ATRNL1: variants seen among roughly 807,000 people sequenced by gnomAD.
ATRNL1 encodes the protein attractin like 1.
ATRNL1 carries 95 observed loss-of-function variants against 182.7 expected under a neutral mutation model. The observed-to-expected ratio is 0.52, with a 90% CI of 0.44 to 0.62. The LOEUF (loss-of-function observed/expected upper bound fraction) is 0.62, where lower values mean the gene tolerates loss of function less well. Ranked by LOEUF, ATRNL1 falls within the 20% of genes least tolerant of loss-of-function variation. The pLI is 0.00. For synonymous variants in ATRNL1, 576 were observed against 568.3 expected (o/e 1.01, Z -0.19); for missense variants, 1,471 against 1,679.5 (o/e 0.88, Z 2.17).
At chr10:115,561,855 A>G (rs1364295818) in intron 26 of ATRNL1, among the ~76,000 whole-genome samples, 1 of 152,204 alleles carries the variant, frequency 6.6e-6, no homozygotes, top group Non-Finnish European at 1.5e-5. Flanking sequence ...ATTATTCACC[A>G]ATAATCATCA....
chr10:115,393,615 G>A (rs1844142443), intron 19 of ATRNL1, among the ~76,000 whole-genome samples: 1 of 152,096 alleles, frequency 6.6e-6, no homozygotes, highest in Admixed American at 6.6e-5. Context: ...TGTTTAGAAT[G>A]TGTTATTGGA....
chr10:115,848,846 T>G (rs1555099751), intron 28 of ATRNL1, among the ~76,000 whole-genome samples: 1 of 152,206 alleles, frequency 6.6e-6, no homozygotes, highest in East Asian at 1.9e-4. Flanking sequence ...ATTTCAAATC[T>G]GTTTTTCTCT....
chr10:115,810,191 A>G (rs1675718170), intron 27 of ATRNL1, among the ~76,000 whole-genome samples: 1 of 151,930 alleles, frequency 6.6e-6, no homozygotes, highest in African/African-American at 2.4e-5. Flanking sequence ...CAATTTGCCA[A>G]TTTGTAAAAG....
intron 8 of ATRNL1, among the ~76,000 whole-genome samples, chr10:115,194,409 CT>C (rs1224568123): frequency 6.6e-6 from 1 of 151,978 alleles, no homozygotes; most frequent in Non-Finnish European, 1.5e-5. Flanking sequence ...GTTCTATCAT[CT>C]TGCTGAAGAG....
chr10:115,245,499 CAAAAAAA>C (rs35541977), intron 10 of ATRNL1, among the ~76,000 whole-genome samples: 2 of 72,904 alleles, frequency 2.7e-5, no homozygotes, highest in East Asian at 3.6e-4. Context: ...CACTCCGTCT[CAAAAAAA>C]AAAAAAAAAA....
At chr10:115,512,901 C>T (rs944881038) in intron 24 of ATRNL1, among the ~76,000 whole-genome samples, 11 of 151,892 alleles carry the variant, frequency 7.2e-5, no homozygotes, top group Admixed American at 6.6e-5. Context: ...AAGAATGATT[C>T]TCCTTTGTGC....
chr10:115,360,281 T>G (rs1856679959), intron 19 of ATRNL1, among the ~76,000 whole-genome samples: 1 of 151,716 alleles, frequency 6.6e-6, no homozygotes, highest in Non-Finnish European at 1.5e-5. Flanking sequence ...TATTTCTAAG[T>G]GTAGAAATGT....
chr10:115,108,610 T>G (rs1186972494), intron 1 of ATRNL1, among the ~76,000 whole-genome samples: 7 of 152,200 alleles, frequency 4.6e-5, no homozygotes, highest in Non-Finnish European at 8.8e-5. Flanking sequence ...ATTTCCCAGT[T>G]GATCAGCATC....
chr10:115,536,927 G>A (rs1852060871), intron 25 of ATRNL1, among the ~76,000 whole-genome samples: 1 of 152,098 alleles, frequency 6.6e-6, no homozygotes, highest in African/African-American at 2.4e-5. Context: ...TTTAAACAAT[G>A]TGTAAGGACA....
chr10:115,332,633 T>A, intron 18 of ATRNL1, among the ~76,000 whole-genome samples: 1 of 152,338 alleles, frequency 6.6e-6, no homozygotes, highest in Non-Finnish European at 1.5e-5. Flanking sequence ...AACTGCATAT[T>A]CTTTCTATAA....
chr10:115,110,503 C>T (rs1592112060), intron 1 of ATRNL1, among the ~76,000 whole-genome samples: 1 of 152,296 alleles, frequency 6.6e-6, no homozygotes, highest in East Asian at 1.9e-4. Flanking sequence ...ATTCTACCAA[C>T]AGTGAATAAG....
chr10:115,327,718 A>C (rs1756504654), intron 18 of ATRNL1, among the ~76,000 whole-genome samples: 1 of 151,726 alleles, frequency 6.6e-6, no homozygotes, highest in African/African-American at 2.4e-5. Flanking sequence ...TGGATTAAGA[A>C]ATGTGGCACA....
At chr10:115,659,964 GT>G (rs1555037284) in intron 26 of ATRNL1, among the ~76,000 whole-genome samples, 1 of 152,170 alleles carries the variant, frequency 6.6e-6, no homozygotes, top group African/African-American at 2.4e-5. Flanking sequence ...ATTGTAAACT[GT>G]GCTAAGAAGT....
intron 21 of ATRNL1, among the ~76,000 whole-genome samples, chr10:115,439,333 A>G (rs1430384985): frequency 1.3e-5 from 2 of 151,940 alleles, no homozygotes; most frequent in East Asian, 1.9e-4. Flanking sequence ...ATTATTTAAT[A>G]TGTAAGTATA....
chr10:115,093,997 C>A lies in ATRNL1; in HGVS notation c.247C>A (p.Pro83Thr). 1 of 1,581,550 alleles carries A rather than the reference C, an allele frequency of 6.3e-7. No individual in the cohort carries two copies. The highest frequency in any genetic ancestry group is 8.6e-7 in the Non-Finnish European group (1 of 1,165,482). Residue 83 changes from proline to threonine, a missense_variant, in exon 1 of 29, where the codon CCG (proline) becomes ACG (threonine). Around this residue, in one of 3 missense-constraint regions of ATRNL1, gnomAD observed 1,031 missense variants for 1,156.0 expected, o/e 0.89. Transcript: ENST00000355044. The surrounding 1 kb of genome is among the most constrained non-coding windows in gnomAD (Gnocchi z 6.1). ...TGTCAACTCCACCTGCCTCTGCGAC[C>A]CGGGCTGGGTGGGGGACCAGTGCCA... is the stretch of plus-strand genomic sequence containing the variant. The part of the protein sequence containing the change: ...RCVNSTCLCD[P>T]GWVGDQCQHC...
intron 27 of ATRNL1, among the ~76,000 whole-genome samples, chr10:115,768,529 A>AT (rs565730850): frequency 6.6e-6 from 1 of 152,048 alleles, no homozygotes; most frequent in Non-Finnish European, 1.5e-5. Flanking sequence ...TGAGTATTCT[A>AT]TTTTTTGACC....
At chr10:115,678,356 A>C (rs190269320) in intron 26 of ATRNL1, among the ~76,000 whole-genome samples, 1 of 152,262 alleles carries the variant, frequency 6.6e-6, no homozygotes, top group Non-Finnish European at 1.5e-5. Context: ...TCTATAGGTT[A>C]AGAAATAAAC....
intron 28 of ATRNL1, among the ~76,000 whole-genome samples, chr10:115,943,558 C>G (rs1555124754): frequency 6.6e-6 from 1 of 151,640 alleles, no homozygotes; most frequent in Non-Finnish European, 1.5e-5. Flanking sequence ...CAAGAACTCT[C>G]ATTCATTGCT....
intron 5 of ATRNL1, among the ~76,000 whole-genome samples, chr10:115,151,598 T>C (rs1326897157): frequency 1.3e-5 from 2 of 152,150 alleles, no homozygotes; most frequent in African/African-American, 2.4e-5. Flanking sequence ...GTTGGAGTTC[T>C]TTGTAGATTC....
Sources: gnomAD v4.1 joint callset for allele counts (sites outside exome capture counted in the v4.1 genomes callset) on GRCh38, gnomAD v4.1.1 for gene constraint, gnomAD v4.1.1 regional missense constraint, Gnocchi (gnomAD v3.1) non-coding constraint, MANE v1.5 for transcripts, NCBI Gene and HGNC (gene_info 2026-07-23, HGNC 2026-07-21) for gene names.